INTS7: variants seen among roughly 807,000 people sequenced by gnomAD.
INTS7 encodes integrator complex subunit 7, also known as chromosome 1 open reading frame 73.
In INTS7, 46 loss-of-function variants were observed where a neutral mutation model predicts 109.2. The ratio of observed to expected loss-of-function variants is 0.42; its 90% CI spans 0.33 to 0.54. INTS7 has a LOEUF of 0.54. Among genes scored for constraint, INTS7 ranks in the 20% least tolerant of loss-of-function variants. The pLI is 0.07. For missense variants in INTS7, 929 were observed against 1,132.4 expected (o/e 0.82, Z 2.58); for synonymous variants, 412 against 402.9 (o/e 1.02, Z -0.27).
intron 7 of INTS7, among the ~76,000 whole-genome samples, chr1:212,001,867 T>C (rs1665684683): frequency 6.6e-6 from 1 of 152,176 alleles, no homozygotes; most frequent in Non-Finnish European, 1.5e-5. Flanking sequence ...CAGTTCATCA[T>C]TCCCTAAATC....
chr1:212,015,680 G>A (rs181801226), intron 4 of INTS7, among the ~76,000 whole-genome samples: 5 of 102,846 alleles, frequency 4.9e-5, no homozygotes, highest in South Asian at 3.7e-4. Flanking sequence ...CCCTCTCTCC[G>A]AGAAACACCC....
intron 16 of INTS7, among the ~76,000 whole-genome samples, chr1:211,953,285 GT>G (rs1161723785): frequency 2.0e-5 from 3 of 152,130 alleles, no homozygotes; most frequent in Admixed American, 6.5e-5. Context: ...GCTGGGATAA[GT>G]TTAACCTAGA....
At position 212,035,548 on chromosome 1, in the gene INTS7, G is replaced by C. The variant is rs911045315; in HGVS notation, c.-111C>G. 1.2e-5 allele frequency: 10 copies of C among 849,798 alleles called. No homozygotes were observed. In the East Asian group the frequency reaches 2.0e-4, roughly 17 times the overall value. The allele number at this position is 849,798 out of a possible 1,614,324, so 52.6% of individuals were successfully genotyped here. ...TGGTTTTTCTTCCGCGCGCTGTCAA[G>C]CCCTGTTACGCATGCGCCCTGGTCA... is the stretch of plus-strand genomic sequence containing the variant. On this transcript the variant is annotated 5_prime_UTR_variant, in exon 1 of 20. Transcript: ENST00000366994.
chr1:211,953,862 C>T (rs1663233492), intron 16 of INTS7, among the ~76,000 whole-genome samples: 1 of 151,800 alleles, frequency 6.6e-6, no homozygotes, highest in African/African-American at 2.4e-5. Context: ...AATAAACATA[C>T]ATGTGCATGT....
intron 13 of INTS7, among the ~76,000 whole-genome samples, chr1:211,970,912 A>G (rs116004746): frequency 2.0e-5 from 3 of 152,330 alleles, no homozygotes; most frequent in Non-Finnish European, 2.9e-5. Flanking sequence ...TCTTACAGCA[A>G]TATCTCTAAA....
intron 14 of INTS7, 68 bp downstream of exon 14, chr1:211,968,445 C>A (rs1664010506): frequency 1.5e-6 from 2 of 1,338,290 alleles, no homozygotes; most frequent in East Asian, 2.3e-5. Flanking sequence ...TATTTTACAA[C>A]TTTTCATCTT....
intron 17 of INTS7, among the ~76,000 whole-genome samples, chr1:211,950,473 T>C (rs1044546467): frequency 6.6e-6 from 1 of 152,020 alleles, no homozygotes; most frequent in Non-Finnish European, 1.5e-5. Flanking sequence ...GGTTTCACCA[T>C]GTTGGGCATG....
chr1:211,994,512 G>A (rs1029186252), intron 7 of INTS7, among the ~76,000 whole-genome samples: 40 of 148,816 alleles, frequency 2.7e-4, no homozygotes, highest in Admixed American at 2.2e-3. Flanking sequence ...CAACCTCTGC[G>A]TCCCTGGTTC....
chr1:211,991,471 C>T (rs1296951983), intron 7 of INTS7, among the ~76,000 whole-genome samples: 1 of 152,182 alleles, frequency 6.6e-6, no homozygotes, highest in Non-Finnish European at 1.5e-5. Flanking sequence ...TGCCACTGGG[C>T]AAAGGAGCTA....
Position 211,968,635 on chromosome 1 carries a change from C to T in INTS7, c.1888G>A (p.Ala630Thr). The T allele has an allele frequency of 6.2e-7, 1 of 1,612,890 alleles. No homozygotes were observed. Among genetic ancestry groups the T allele is most frequent in the South Asian group, 1.1e-5 (1 of 91,058 alleles). ...FVKLRIDLLQAFSQLICTCNS... is the reference protein window; with the variant it reads ...FVKLRIDLLQTFSQLICTCNS... ...CAAGTACAGATAAGTTGAGAGAAGG[C>T]TTGTAAAAGGTCAATCCTGAGTTTT... is the stretch of plus-strand genomic sequence containing the variant. The change falls in exon 14 of 20, where the codon GCC becomes ACC. Residue 630 changes from alanine to threonine, a missense_variant. Physicochemically the swap from Ala to Thr is moderately conservative, Grantham distance 58 (BLOSUM62 0). Transcript: ENST00000366994.
intron 8 of INTS7, among the ~76,000 whole-genome samples, chr1:211,987,348 T>C (rs989422375): frequency 6.6e-6 from 1 of 151,954 alleles, no homozygotes; most frequent in African/African-American, 2.4e-5. Flanking sequence ...CAAAAAAGTT[T>C]AGCTTTAAGT....
chr1:211,945,179 A>G (rs1364603733), intron 18 of INTS7, among the ~76,000 whole-genome samples: 1 of 152,194 alleles, frequency 6.6e-6, no homozygotes. Flanking sequence ...CCCAAACCTC[A>G]GTTCTATTTG....
intron 4 of INTS7, among the ~76,000 whole-genome samples, chr1:212,014,136 A>C (rs1371371734): frequency 6.6e-6 from 1 of 152,002 alleles, no homozygotes. Context: ...CTACTTTTTC[A>C]GTAAGAATTC....
At chr1:211,988,727 C>T (rs1036560788) in intron 7 of INTS7, among the ~76,000 whole-genome samples, 1 of 152,116 alleles carries the variant, frequency 6.6e-6, no homozygotes, top group Non-Finnish European at 1.5e-5. Flanking sequence ...CTGAAACCCC[C>T]ACCATATTTT....
At chr1:212,014,502 G>A (rs1380109532) in intron 4 of INTS7, among the ~76,000 whole-genome samples, 4 of 146,116 alleles carry the variant, frequency 2.7e-5, no homozygotes, top group Non-Finnish European at 6.0e-5. Flanking sequence ...TGAAGAGGAG[G>A]GTATGCAAAT....
At chr1:212,035,215 GCACAGGCGCTC>G in intron 1 of INTS7, 118 bp downstream of exon 1, 4 of 686,148 alleles carry the variant, frequency 5.8e-6, no homozygotes, top group Non-Finnish European at 1.0e-5. Flanking sequence ...CCCAGCAAAA[GCACAGGCGCTC>G]CCCGCCCAGC....
intron 4 of INTS7, 64 bp from the exon 5 acceptor site, chr1:212,011,485 A>T: frequency 9.8e-7 from 1 of 1,024,964 alleles, no homozygotes; most frequent in Non-Finnish European, 1.5e-6. Flanking sequence ...TAAGGACTTA[A>T]AAGAAATAAA....
intron 4 of INTS7, among the ~76,000 whole-genome samples, chr1:212,013,531 G>T (rs542335812): frequency 2.6e-5 from 4 of 152,156 alleles, no homozygotes; most frequent in Non-Finnish European, 5.9e-5. Context: ...ATTTAGTGAA[G>T]CCTAAGTGTA....
intron 6 of INTS7, 73 bp downstream of exon 6, chr1:212,007,176 CT>C: frequency 9.2e-7 from 1 of 1,085,540 alleles, no homozygotes; most frequent in Admixed American, 2.0e-5. Context: ...TTGTGGGCCA[CT>C]TTCTTATTTC....
Sources: allele counts gnomAD v4.1 joint callset (sites outside exome capture counted in the v4.1 genomes callset), GRCh38; gene constraint gnomAD v4.1.1; transcripts MANE v1.5; gene names NCBI Gene and HGNC (gene_info 2026-07-23, HGNC 2026-07-21).